PDE3A: variants seen among roughly 807,000 people sequenced by gnomAD.
The protein encoded by PDE3A is cGMP-inhibited 3',5'-cyclic phosphodiesterase 3A.
In PDE3A, 43 loss-of-function variants were observed where a neutral mutation model predicts 98.3. That is an observed-to-expected ratio of 0.44 (90% confidence interval 0.34 to 0.56). The LOEUF (loss-of-function observed/expected upper bound fraction) is 0.56, where lower values mean the gene tolerates loss of function less well. Ranked by LOEUF, PDE3A falls within the 20% of genes least tolerant of loss-of-function variation. The pLI, the probability that PDE3A is intolerant of heterozygous loss-of-function variation, is 0.01. For missense variants in PDE3A, 1,427 were observed against 1,440.7 expected (o/e 0.99, Z 0.15); for synonymous variants, 663 against 567.9 (o/e 1.17, Z -2.38).
chr12:20,566,936 G>A (rs1942674116), intron 2 of PDE3A, among the ~76,000 whole-genome samples: 1 of 151,882 alleles, frequency 6.6e-6, no homozygotes, highest in African/African-American at 2.4e-5. Flanking sequence ...CTCTTCTGGT[G>A]CCTCAAAAAT....
intron 1 of PDE3A, among the ~76,000 whole-genome samples, chr12:20,392,678 C>A (rs2120616895): frequency 6.6e-6 from 1 of 152,050 alleles, no homozygotes; most frequent in East Asian, 1.9e-4. Context: ...CAGTATGCTC[C>A]CATGTTTATT....
intron 1 of PDE3A, among the ~76,000 whole-genome samples, chr12:20,468,236 T>G (rs567386042): frequency 2.4e-4 from 36 of 152,278 alleles, no homozygotes; most frequent in African/African-American, 8.2e-4. Flanking sequence ...AATCATGCTT[T>G]CTTTCTTTTT....
intron 2 of PDE3A, among the ~76,000 whole-genome samples, chr12:20,576,753 A>T (rs1422455072): frequency 6.6e-6 from 1 of 152,134 alleles, no homozygotes; most frequent in East Asian, 1.9e-4. Flanking sequence ...TACAGAAAAG[A>T]TATTGATAAT....
chr12:20,661,862 A>C (rs2121523732), intron 15 of PDE3A, among the ~76,000 whole-genome samples: 1 of 152,282 alleles, frequency 6.6e-6, no homozygotes, highest in South Asian at 2.1e-4. Context: ...GAGCTACCAC[A>C]CAGAGTTACT....
At chr12:20,654,412 A>G (rs951066300) in intron 15 of PDE3A, among the ~76,000 whole-genome samples, 1 of 152,204 alleles carries the variant, frequency 6.6e-6, no homozygotes, top group African/African-American at 2.4e-5. Flanking sequence ...TGATACAAAG[A>G]TATCTTCTCC....
At chr12:20,559,955 G>A (rs1386496371) in intron 2 of PDE3A, among the ~76,000 whole-genome samples, 2 of 152,142 alleles carry the variant, frequency 1.3e-5, no homozygotes, top group Admixed American at 1.3e-4. Context: ...TTACTGTGAA[G>A]GGATAATCTG....
At chr12:20,503,580 ATTCCCTATTATATAG>A (rs1435818602) in intron 1 of PDE3A, among the ~76,000 whole-genome samples, 3 of 152,112 alleles carry the variant, frequency 2.0e-5, no homozygotes, top group Non-Finnish European at 4.4e-5. Flanking sequence ...CATATTGATC[ATTCCCTATTATATAG>A]AGTGATCTAA....
intron 15 of PDE3A, among the ~76,000 whole-genome samples, chr12:20,673,799 GTAAC>G (rs1945557554): frequency 6.6e-6 from 1 of 150,536 alleles, no homozygotes; most frequent in African/African-American, 2.4e-5. Context: ...GTATACATAT[GTAAC>G]TAACCTGCAC....
At position 20,613,414 on chromosome 12, in the gene PDE3A, G is replaced by T. The variant is rs538465666; in HGVS notation, c.1012-29G>T. The T allele has an allele frequency of 1.6e-5, 26 of 1,612,032 alleles. No individual in the cohort carries two copies. The African/African-American group carries it at 2.5e-4, about 16-fold the overall frequency. ...TGCCTTCAGATTCAGGCCTTTTCTT[G>T]CCTGATCTTGTCTTGGTTTGTGTCT... is the stretch of plus-strand genomic sequence containing the variant. On this transcript the variant is annotated intron_variant, in intron 2 of 15. Transcript: ENST00000359062.
chr12:20,649,756 T>C (rs1592146697), intron 13 of PDE3A, among the ~76,000 whole-genome samples: 2 of 152,018 alleles, frequency 1.3e-5, no homozygotes. Flanking sequence ...CGAAACACCA[T>C]CCCTACTAAA....
chr12:20,404,836 T>TG (rs1555142699), intron 1 of PDE3A, among the ~76,000 whole-genome samples: 16 of 148,376 alleles, frequency 1.1e-4, no homozygotes, highest in South Asian at 8.7e-4. Flanking sequence ...GTTTTTTTTT[T>TG]TTTTTTTTTT....
In PDE3A at chr12:20,685,024, A is replaced by C. The variant is rs1354622514; in HGVS notation, c.*4753A>C. On this transcript the variant is annotated 3_prime_UTR_variant, in exon 16 of 16. Transcript: ENST00000359062. ...ATTTGTTGAAATACATGTTGCTTTG[A>C]CCTTACCTAATGGTGCTTTTACCTA... Among the ~76,000 whole-genome samples the C allele has an allele frequency of 6.6e-6, 1 of 152,170 alleles. No homozygotes were observed. The highest frequency in any genetic ancestry group is 2.4e-5 in the African/African-American group (1 of 41,444).
chr12:20,376,297 G>T (rs960757486), intron 1 of PDE3A, among the ~76,000 whole-genome samples: 1 of 151,916 alleles, frequency 6.6e-6, no homozygotes, highest in Admixed American at 6.6e-5. Context: ...CCCAAGGCAA[G>T]ATGGCTTTTG....
rs191937684 is a variant in PDE3A, at chr12:20,524,517, G to A, written c.961-32143G>A. ...TTCAGTCAAGATGCTACTTAGGCCAGCTTTTAAAATTTGTATAATAGCTAG... is the reference window on the plus strand; with the variant it reads ...TTCAGTCAAGATGCTACTTAGGCCAACTTTTAAAATTTGTATAATAGCTAG... On this transcript the variant is annotated intron_variant, in intron 1 of 15. Transcript: ENST00000359062. Among the ~76,000 whole-genome samples the A allele has an allele frequency of 1.2e-4, 18 of 152,100 alleles. No homozygotes were observed. The East Asian group carries it at 2.1e-3, about 18-fold the overall frequency.
chr12:20,562,513 C>T (rs1402498173), intron 2 of PDE3A, among the ~76,000 whole-genome samples: 1 of 79,188 alleles, frequency 1.3e-5, no homozygotes. Context: ...CCACCGTGCC[C>T]AGCTGCTTTT....
intron 2 of PDE3A, among the ~76,000 whole-genome samples, chr12:20,589,360 A>G (rs1943268496): frequency 6.6e-6 from 1 of 152,204 alleles, no homozygotes; most frequent in Admixed American, 6.5e-5. Context: ...TGGTTGCTGT[A>G]AATTATATTG....
At position 20,685,580 on chromosome 12, in the gene PDE3A, T is replaced by C. The variant is rs1299919867; in HGVS notation, c.*5309T>C. Among the ~76,000 whole-genome samples the C allele has an allele frequency of 1.3e-5, 2 of 152,080 alleles. No individual in the cohort carries two copies. The highest frequency in any genetic ancestry group is 1.9e-4 in the East Asian group (1 of 5,192). On this transcript the variant is annotated 3_prime_UTR_variant, in exon 16 of 16. Coordinates refer to ENST00000359062, the MANE Select transcript of PDE3A (RefSeq NM_000921.5). ...ATAAAATACAGTGTATAGAATTATATATAAATGGAAAACAAAATTAGCTTT... is the reference window on the plus strand; with the variant it reads ...ATAAAATACAGTGTATAGAATTATACATAAATGGAAAACAAAATTAGCTTT...
rs1945875277 is a variant in PDE3A at position 20,683,981 on chromosome 12, G to A, written c.*3710G>A. On this transcript the variant is annotated 3_prime_UTR_variant, in exon 16 of 16. Transcript: ENST00000359062. ...AACTTTCTTTGAAGGTAAAAGCTGTGCAAAAGGCATGAGACTCAGGCCTAC... is the reference window on the plus strand; with the variant it reads ...AACTTTCTTTGAAGGTAAAAGCTGTACAAAAGGCATGAGACTCAGGCCTAC... 2 of 152,044 alleles carry A rather than the reference G, an allele frequency of 1.3e-5. No individual in the cohort carries two copies. The allele number at this position is 152,044 out of a possible 1,614,324, so 9.4% of individuals were successfully genotyped here.
chr12:20,551,492 T>C (rs9737659), intron 1 of PDE3A: 1 of 781,074 alleles, frequency 1.3e-6, no homozygotes, highest in Non-Finnish European at 2.1e-6. Flanking sequence ...CCGTTCTTAG[T>C]TGGTGGAGCG....
Sources: gnomAD v4.1 joint callset for allele counts (sites outside exome capture counted in the v4.1 genomes callset) on GRCh38, gnomAD v4.1.1 for gene constraint, MANE v1.5 for transcripts, NCBI Gene and HGNC (gene_info 2026-07-23, HGNC 2026-07-21) for gene names.